PRAF2: variants seen among roughly 807,000 people sequenced by gnomAD.
The protein encoded by PRAF2 is PRA1 domain family member 2.
PRAF2 carries 5 observed loss-of-function variants against 9.7 expected under a neutral mutation model. The ratio of observed to expected loss-of-function variants is 0.51; its 90% CI spans 0.27 to 1.08. The LOEUF (loss-of-function observed/expected upper bound fraction) is 1.08. PRAF2 is among the 50% of genes least tolerant of loss of function. PRAF2 has a pLI of 0.12. For missense variants in PRAF2, 135 were observed against 160.7 expected, an observed-to-expected ratio of 0.84 and a Z score of 0.86; for synonymous variants, 61 against 76.6, an observed-to-expected ratio of 0.80 and a Z score of 1.06.
chrX:49,071,672 C>T lies in PRAF2; in HGVS notation c.*197G>A. 2 of 403,623 alleles carry T rather than the reference C, an allele frequency of 5.0e-6. No homozygotes were observed. Among genetic ancestry groups the T allele is most frequent in the South Asian group, 1.0e-4 (2 of 19,511 alleles). The allele number at this position is 403,623 out of a possible 1,213,427, so 33.3% of individuals were successfully genotyped here. A position where few individuals can be genotyped will look rare whatever the true frequency, so the allele number is the denominator to read the frequency against. ...TCAAGGCTGGGGAAGACTCTTGTCC[C>T]TAGGTAATGGGGGCTGGGTGTGAGG... On this transcript the variant is annotated 3_prime_UTR_variant, in exon 3 of 3. Coordinates refer to ENST00000553851, the MANE Select transcript of PRAF2 (RefSeq NM_007213.3).
chrX:49,072,340 C>T lies in PRAF2; in HGVS notation c.397+93G>A, dbSNP rs190707601. ...GTGGCGAGGCCCTCGGGTTTCCCAG[C>T]CCCCTCTCAACCCGGGGACCGGCAG... On this transcript the variant is annotated intron_variant, in intron 2 of 2. Coordinates refer to ENST00000553851, the MANE Select transcript of PRAF2 (RefSeq NM_007213.3). 2.9e-4 allele frequency: 301 copies of T among 1,048,218 alleles called. 1 individual carries two copies. In the African/African-American group the frequency reaches 3.7e-3, roughly 13 times the overall value. 86.4% of individuals were successfully genotyped at this position (1,048,218 alleles called of 1,213,427 possible).
chrX:49,072,170 T>G (rs2065013438), intron 2 of PRAF2, 162 bp from the exon 3 acceptor site: 1 of 727,802 alleles, frequency 1.4e-6, no homozygotes, highest in African/African-American at 2.1e-5. Context: ...CTTGGCAACG[T>G]GGGCATGGCC....
In PRAF2 at chrX:49,073,826, G is replaced by T; in HGVS notation, c.162C>A (p.Ile54=). The T allele has an allele frequency of 2.5e-6, 3 of 1,212,096 alleles. No individual in the cohort carries two copies. The Middle Eastern group carries it at 6.9e-4, about 279-fold the overall frequency. Residue 54 remains isoleucine, a synonymous_variant, in exon 1 of 3, where the codon ATC becomes ATA. Coordinates refer to ENST00000553851, the MANE Select transcript of PRAF2 (RefSeq NM_007213.3). ...YQTNYLLCFG[I]GLALAGYVRP... ...TCCCTCACCCGGCGAGAGCGAGGCC[G>T]ATGCCGAAGCAGAGAAGGTAGTTGG...
chrX:49,072,520 C>T lies in PRAF2; in HGVS notation c.310G>A (p.Ala104Thr), dbSNP rs1260135934. 1 of 1,181,723 alleles carries T rather than the reference C, an allele frequency of 8.5e-7. No homozygotes were observed. Among genetic ancestry groups the T allele is most frequent in the Non-Finnish European group, 1.1e-6 (1 of 881,015 alleles). The change falls in exon 2 of 3, where the codon GCC (alanine) becomes ACC (threonine). Residue 104 changes from alanine to threonine, a missense_variant. Transcript: ENST00000553851. ...CRRSHPAACL[A>T]AVLAVGLLVL... ...AGGAGGCCGACGGCAAGCACTGCGG[C>T]CAGGCAGGCTGCAGGGTGGCTGCGG...
Position 49,072,494 on chromosome X carries a change from CAGG to C in PRAF2, c.333_335del (p.Leu112del), listed in dbSNP as rs2065014795. 8.4e-7 allele frequency: 1 copy of C among 1,191,924 alleles called. No individual in the cohort carries two copies. The highest frequency in any genetic ancestry group is 1.8e-5 in the African/African-American group (1 of 57,126). On this transcript the variant is annotated inframe_deletion, in exon 2 of 3. Coordinates refer to ENST00000553851, the MANE Select transcript of PRAF2 (RefSeq NM_007213.3). ...AAGCGCCGCCCGCGACCCAGAGCACCAGGAGGCCGACGGCAAGCACTGCGGCCA... is the reference window on the plus strand; with the variant it reads ...AAGCGCCGCCCGCGACCCAGAGCACCAGGCCGACGGCAAGCACTGCGGCCA...
Position 49,071,990 on chromosome X carries a change from G to A in PRAF2, c.416C>T (p.Ser139Leu), listed in dbSNP as rs782678518. 7.4e-6 allele frequency: 9 copies of A among 1,208,318 alleles called. No individual in the cohort carries two copies. Among genetic ancestry groups the A allele is most frequent in the Middle Eastern group, 2.3e-4 (1 of 4,351 alleles). Residue 139 changes from serine (S) to leucine (L), a missense_variant, in exon 3 of 3, where the codon TCG becomes TTG. Coordinates refer to ENST00000553851, the MANE Select transcript of PRAF2 (RefSeq NM_007213.3). ...GTTCTTAAGGTTGCGCAGGCGCAACGAGGCGTGCACCAGGATCACTGTGGG... is the reference window on the plus strand; with the variant it reads ...GTTCTTAAGGTTGCGCAGGCGCAACAAGGCGTGCACCAGGATCACTGTGGG... ...GPVLLILVHA[S>L]LRLRNLKNKI...
intron 1 of PRAF2, 119 bp from the exon 2 acceptor site, chrX:49,072,769 TCCTC>T (rs2065016226): frequency 1.5e-6 from 1 of 687,013 alleles, no homozygotes; most frequent in Non-Finnish European, 2.2e-6. Flanking sequence ...GCCTGGCACA[TCCTC>T]CCACCAGCCC....
rs782257005 is a variant in PRAF2, at chrX:49,071,971, A to G, written c.435T>C (p.Leu145=). Residue 145 remains leucine (L), a synonymous_variant, in exon 3 of 3, where the codon CTT becomes CTC. Coordinates refer to ENST00000553851, the MANE Select transcript of PRAF2 (RefSeq NM_007213.3). ...LVHASLRLRN[L]KNKIENKIES... ...CGATCTTGTTCTCAATCTTGTTCTT[A>G]AGGTTGCGCAGGCGCAACGAGGCGT... The G allele has an allele frequency of 5.0e-6, 6 of 1,210,069 alleles. No individual in the cohort carries two copies. In the Admixed American group the frequency reaches 1.1e-4, roughly 22 times the overall value.
In PRAF2 at chrX:49,073,859, G is replaced by A. The variant is rs1007832572; in HGVS notation, c.129C>T (p.Tyr43=). The A allele has an allele frequency of 4.1e-6, 5 of 1,211,436 alleles. No homozygotes were observed. In the African/African-American group the frequency reaches 8.7e-5, roughly 21 times the overall value. The change falls in exon 1 of 3, where the codon TAC becomes TAT. Residue 43 remains tyrosine, a synonymous_variant. Coordinates refer to ENST00000553851, the MANE Select transcript of PRAF2 (RefSeq NM_007213.3). ...AGCAGAGAAGGTAGTTGGTTTGGTA[G>A]TAGAGGAGGTTGTTGATGACGCGGT... is the stretch of plus-strand genomic sequence containing the variant. ...WCHRVINNLL[Y]YQTNYLLCFG...
intron 1 of PRAF2, 75 bp from the exon 2 acceptor site, chrX:49,072,725 C>CA: frequency 3.0e-6 from 3 of 1,004,804 alleles, no homozygotes; most frequent in Non-Finnish European, 4.1e-6. Context: ...CCCTGGGCCC[C>CA]AAGAGCCAGG....
intron 1 of PRAF2, 111 bp downstream of exon 1, chrX:49,073,698 C>A: frequency 1.0e-6 from 1 of 1,002,227 alleles, no homozygotes; most frequent in Admixed American, 2.8e-5. Flanking sequence ...TGACTTCGCC[C>A]TTCCCGGCCT....
chrX:49,073,719 T>G lies in PRAF2; in HGVS notation c.179+90A>C, dbSNP rs1427616322. On this transcript the variant is annotated intron_variant, in intron 1 of 2. Coordinates refer to ENST00000553851, the MANE Select transcript of PRAF2 (RefSeq NM_007213.3). ...CGCCCTTCCCGGCCTTGCACCCCCCTCAGGTTCCCCGTCCTGGTCCTCAAA... is the reference window on the plus strand; with the variant it reads ...CGCCCTTCCCGGCCTTGCACCCCCCGCAGGTTCCCCGTCCTGGTCCTCAAA... 1.0e-5 allele frequency: 11 copies of G among 1,101,168 alleles called. No homozygotes were observed. The Admixed American group carries it at 2.7e-4, about 27-fold the overall frequency. 90.7% of individuals were successfully genotyped at this position (1,101,168 alleles called of 1,213,427 possible). A position where few individuals can be genotyped will look rare whatever the true frequency, so the allele number is the denominator to read the frequency against.
rs1569523294 is a variant in PRAF2 at position 49,071,878 on chromosome X, A to G, written c.528T>C (p.Ala176=). The change falls in exon 3 of 3, where the codon GCT becomes GCC. Residue 176 remains alanine (A), a synonymous_variant. Coordinates refer to ENST00000553851, the MANE Select transcript of PRAF2 (RefSeq NM_007213.3). ...TACAGATCCCAGGGGCCTAGGATCC[A>G]GCCTCCTGCTCTTGTCCCAGTGCCT... ...LLEALGQEQE[A]GS is the part of the protein sequence containing the mutation. 1 of 1,208,731 alleles carries G rather than the reference A, an allele frequency of 8.3e-7. No homozygotes were observed. The highest frequency in any genetic ancestry group is 1.1e-6 in the Non-Finnish European group (1 of 894,269).
rs139909503 is a variant in PRAF2 at position 49,072,736 on chromosome X, G to A, written c.180-86C>T. 1,355 of 919,342 alleles carry A rather than the reference G, an allele frequency of 1.5e-3. 14 individuals are homozygous for A. The African/African-American group carries it at 0.025, about 17-fold the overall frequency. The allele number at this position is 919,342 out of a possible 1,213,427, so 75.8% of individuals were successfully genotyped here. A position where few individuals can be genotyped will look rare whatever the true frequency, so the allele number is the denominator to read the frequency against. On this transcript the variant is annotated intron_variant, in intron 1 of 2. Transcript: ENST00000553851. ...CCCACCCTGGGCCCCAAGAGCCAGGGTCTCCCGTCTCCGGACACTCCAGCC... is the reference window on the plus strand; with the variant it reads ...CCCACCCTGGGCCCCAAGAGCCAGGATCTCCCGTCTCCGGACACTCCAGCC...
chrX:49,072,142 G>A, intron 2 of PRAF2, 134 bp from the exon 3 acceptor site: 1 of 845,275 alleles, frequency 1.2e-6, no homozygotes, highest in Non-Finnish European at 1.6e-6. Context: ...GATACTGAAA[G>A]CGTGGCCGAG....
chrX:49,072,793 C>T, intron 1 of PRAF2, 143 bp from the exon 2 acceptor site: 1 of 570,334 alleles, frequency 1.8e-6, no homozygotes, highest in Non-Finnish European at 2.8e-6. Flanking sequence ...CTATCTCCAG[C>T]AGGCCCATCT....
chrX:49,073,122 C>T (rs1209066762), intron 1 of PRAF2, among the ~76,000 whole-genome samples: 1 of 110,630 alleles, frequency 9.0e-6, no homozygotes, highest in Non-Finnish European at 1.9e-5. Flanking sequence ...CCTATAGATT[C>T]CTCCCTCCAT....
rs782050173 is a variant in PRAF2, at chrX:49,071,939, A to G, written c.467T>C (p.Ile156Thr). The change falls in exon 3 of 3, where the codon ATT becomes ACT. Residue 156 changes from isoleucine to threonine, a missense_variant. Coordinates refer to ENST00000553851, the MANE Select transcript of PRAF2 (RefSeq NM_007213.3). Reference sequence around the variant, plus strand: ...GCCCATTGGCGTCCGCTTGAGACCAATGCTCTCGATCTTGTTCTCAATCTT... The same window carrying G: ...GCCCATTGGCGTCCGCTTGAGACCAGTGCTCTCGATCTTGTTCTCAATCTT... The part of the protein sequence containing the change: ...KNKIENKIES[I>T]GLKRTPMGLL... 5 of 1,210,391 alleles carry G rather than the reference A, an allele frequency of 4.1e-6. No individual in the cohort carries two copies. The highest frequency in any genetic ancestry group is 5.6e-6 in the Non-Finnish European group (5 of 894,885).
Position 49,071,182 on chromosome X carries a change from G to C in PRAF2, c.*687C>G, listed in dbSNP as rs1950445013. On this transcript the variant is annotated 3_prime_UTR_variant, in exon 3 of 3. Coordinates refer to ENST00000553851, the MANE Select transcript of PRAF2 (RefSeq NM_007213.3). ...CAAATTGGCATGAGAGATGCAACAG[G>C]CTTTATTGTTGCAGCAACACTAACA... 8.9e-6 allele frequency: 1 copy of C among 112,700 alleles called. No homozygotes were observed. Among genetic ancestry groups the C allele is most frequent in the South Asian group, 3.6e-4 (1 of 2,785 alleles). The allele number at this position is 112,700 out of a possible 1,213,427, so 9.3% of individuals were successfully genotyped here. A position where few individuals can be genotyped will look rare whatever the true frequency, so the allele number is the denominator to read the frequency against.
Sources: allele counts gnomAD v4.1 joint callset (sites outside exome capture counted in the v4.1 genomes callset), GRCh38; gene constraint gnomAD v4.1.1; transcripts MANE v1.5; gene names NCBI Gene and HGNC (gene_info 2026-07-23, HGNC 2026-07-21).